Variants in DMD observed in about 807,000 individuals in gnomAD.
DMD encodes mutant dystrophin.
DMD carries 63 observed loss-of-function variants against 330.1 expected under a neutral mutation model. The observed-to-expected ratio is 0.19, with a 90% CI of 0.16 to 0.24. DMD has a LOEUF of 0.24. DMD is among the 10% of genes least tolerant of loss of function. The pLI, the probability that DMD is intolerant of heterozygous loss-of-function variation, is 1.00. For synonymous variants in DMD, 1,223 were observed against 959.8 expected, an observed-to-expected ratio of 1.27 and a Z score of -5.07; for missense variants, 3,344 against 2,684.1, an observed-to-expected ratio of 1.25 and a Z score of -5.43.
Position 32,697,865 on chromosome X carries a change from C to T in DMD, c.960+5G>A, listed in dbSNP as rs768320400. The stretch of plus-strand genomic sequence containing the variant: ...TTGTACAACAGAGAGTAAATGTTGA[C>T]AGACCTGTGAAGGAAATGGGCTCCG... On this transcript the variant is annotated splice_donor_5th_base_variant and intron_variant, in intron 9 of 78. Coordinates refer to ENST00000357033, the MANE Select transcript of DMD (RefSeq NM_004006.3). The T allele has an allele frequency of 2.5e-6, 3 of 1,210,284 alleles. No individual in the cohort carries two copies. In the South Asian group the frequency reaches 5.3e-5, roughly 21 times the overall value.
At chrX:31,260,223 C>T (rs1046810943) in intron 63 of DMD, among the ~76,000 whole-genome samples, 3 of 111,538 alleles carry the variant, frequency 2.7e-5, no homozygotes, top group Non-Finnish European at 5.6e-5. Context: ...GCCTGGGAGA[C>T]AGAGCAAGAC....
At chrX:32,728,380 T>G (rs960407632) in intron 7 of DMD, among the ~76,000 whole-genome samples, 4 of 111,730 alleles carry the variant, frequency 3.6e-5, no homozygotes, top group Non-Finnish European at 5.7e-5. Flanking sequence ...GATCACCATG[T>G]GAGGTCTATA....
At chrX:32,554,910 A>G (rs1423830275) in intron 16 of DMD, among the ~76,000 whole-genome samples, 2 of 52,494 alleles carry the variant, frequency 3.8e-5, no homozygotes, top group East Asian at 1.2e-3. Context: ...AGAAAGAAAG[A>G]AAGAAAGAAA....
At chrX:33,127,638 T>C (rs1265837070) in intron 1 of DMD, among the ~76,000 whole-genome samples, 1 of 110,080 alleles carries the variant, frequency 9.1e-6, no homozygotes, top group African/African-American at 3.3e-5. Flanking sequence ...CACATATTCA[T>C]ATGTACATAT....
At chrX:32,071,288 A>G (rs2096295653) in intron 44 of DMD, among the ~76,000 whole-genome samples, 1 of 110,426 alleles carries the variant, frequency 9.1e-6, no homozygotes. Context: ...CCAACAGTGT[A>G]AAAGTGTTCC....
intron 47 of DMD, 135 bp downstream of exon 47, chrX:31,929,461 G>C: frequency 1.3e-6 from 1 of 749,390 alleles, no homozygotes; most frequent in Non-Finnish European, 2.0e-6. Flanking sequence ...CAAACGGTCA[G>C]GTTAAAAAAA....
chrX:31,505,235 T>TA (rs1348407911), intron 56 of DMD, among the ~76,000 whole-genome samples: 1 of 111,570 alleles, frequency 9.0e-6, no homozygotes, highest in Non-Finnish European at 1.9e-5. Flanking sequence ...TGACCTCTCT[T>TA]AAGAGTTTAA....
intron 9 of DMD, among the ~76,000 whole-genome samples, chrX:32,674,019 A>C: frequency 8.9e-6 from 1 of 111,840 alleles, no homozygotes; most frequent in Middle Eastern, 4.7e-3. Context: ...ACAACACAAT[A>C]AGTAGAATAA....
At chrX:32,845,439 C>T (rs746907286) in intron 3 of DMD, among the ~76,000 whole-genome samples, 16 of 111,868 alleles carry the variant, frequency 1.4e-4, no homozygotes, top group Non-Finnish European at 3.0e-4. Context: ...TACAAATTAA[C>T]TCATTTATTA....
chrX:32,767,172 C>T (rs1477227851), intron 7 of DMD, among the ~76,000 whole-genome samples: 1 of 111,446 alleles, frequency 9.0e-6, no homozygotes, highest in Non-Finnish European at 1.9e-5. Flanking sequence ...TTTTTTGAGG[C>T]TCATTTGCAT....
chrX:31,214,704 G>T (rs2045147520), intron 64 of DMD, among the ~76,000 whole-genome samples: 1 of 110,202 alleles, frequency 9.1e-6, no homozygotes, highest in African/African-American at 3.3e-5. Flanking sequence ...CCTTGGAAAA[G>T]ATCAAAATTC....
rs868135672 is a variant in DMD, at chrX:32,555,799, C to A, written c.1992+9903G>T. ...AAATTGAAAGTGGACTTCTTCCTTA[C>A]AATCTATACAAAAATTAACTCAAGA... is the stretch of plus-strand genomic sequence containing the variant. On this transcript the variant is annotated intron_variant, in intron 16 of 78. Coordinates refer to ENST00000357033, the MANE Select transcript of DMD (RefSeq NM_004006.3). 5.4e-5 allele frequency among the ~76,000 whole-genome samples: 6 copies of A among 111,984 alleles called. No individual in the cohort carries two copies. The South Asian group carries it at 2.2e-3, about 41-fold the overall frequency.
chrX:31,850,370 T>C (rs1333508461), intron 48 of DMD, among the ~76,000 whole-genome samples: 1 of 112,202 alleles, frequency 8.9e-6, no homozygotes, highest in East Asian at 2.8e-4. Flanking sequence ...TCCTAAGACA[T>C]TTGTGGATAC....
intron 13 of DMD, among the ~76,000 whole-genome samples, chrX:32,584,529 T>A (rs1232371249): frequency 3.6e-5 from 4 of 112,024 alleles, no homozygotes; most frequent in Non-Finnish European, 7.5e-5. Flanking sequence ...CAACCCCAAT[T>A]TTCTGAACAG....
intron 9 of DMD, among the ~76,000 whole-genome samples, chrX:32,683,639 G>A (rs1219417930): frequency 2.6e-4 from 20 of 77,169 alleles, no homozygotes; most frequent in African/African-American, 9.1e-4. Context: ...ACTGGGTCCC[G>A]TAGTGGGGTG....
At chrX:31,398,737 C>T (rs770801784) in intron 60 of DMD, among the ~76,000 whole-genome samples, 10 of 112,303 alleles carry the variant, frequency 8.9e-5, no homozygotes, top group African/African-American at 2.9e-4. Context: ...CCTACAGCCT[C>T]AAACTTCTGG....
rs1328152686 is a variant in DMD at position 31,773,715 on chromosome X, A to G, written c.7542+245T>C. On this transcript the variant is annotated intron_variant, in intron 51 of 78. Transcript: ENST00000357033. The stretch of plus-strand genomic sequence containing the variant: ...TTTAACTGAGACAACTATTCTTGTA[A>G]GGTTTCTGCTTTTTTTTTTTTTTTT... Among the ~76,000 whole-genome samples, 3 of 95,243 alleles carry G rather than the reference A, an allele frequency of 3.1e-5. No individual in the cohort carries two copies. The Admixed American group carries it at 3.5e-4, about 11-fold the overall frequency. The allele number at this position is 95,243 out of a possible 115,157, so 82.7% of individuals were successfully genotyped here.
At chrX:32,467,636 A>G (rs1483415558) in intron 23 of DMD, among the ~76,000 whole-genome samples, 1 of 105,356 alleles carries the variant, frequency 9.5e-6, no homozygotes, top group Non-Finnish European at 1.9e-5. Flanking sequence ...ATACACGTAT[A>G]TATATATATA....
Position 32,592,842 on chromosome X carries a change from G to A in DMD, c.1602+2915C>T, listed in dbSNP as rs990570791. ...GTTCCTGGTGTCTCTGAGCTTTCAG[G>A]TGCCACCGCGATCCCCTGTCCAGAC... is the stretch of plus-strand genomic sequence containing the variant. On this transcript the variant is annotated intron_variant, in intron 13 of 78. Transcript: ENST00000357033. Among the ~76,000 whole-genome samples the A allele has an allele frequency of 1.8e-5, 2 of 112,125 alleles. 1 individual carries two copies. Among genetic ancestry groups the A allele is most frequent in the Admixed American group, 1.9e-4 (2 of 10,642 alleles).
Sources: gnomAD v4.1 joint callset for allele counts (sites outside exome capture counted in the v4.1 genomes callset) on GRCh38, gnomAD v4.1.1 for gene constraint, MANE v1.5 for transcripts, NCBI Gene and HGNC (gene_info 2026-07-23, HGNC 2026-07-21) for gene names.